The following MGME1 variants were observed in gnomAD, a reference collection of about 807,000 sequenced individuals.
MGME1 encodes the protein mitochondrial genome maintenance exonuclease 1.
Under a neutral mutation model 33.0 loss-of-function variants are expected in MGME1, and 22 were observed. The ratio of observed to expected loss-of-function variants is 0.67; its 90% CI spans 0.48 to 0.95. MGME1 has a LOEUF of 0.95. MGME1 is among the 40% of genes least tolerant of loss of function. The pLI is 0.00. For missense variants in MGME1, 383 were observed against 397.8 expected, an observed-to-expected ratio of 0.96 and a Z score of 0.32; for synonymous variants, 133 against 144.0, an observed-to-expected ratio of 0.92 and a Z score of 0.55.
intron 2 of MGME1, among the ~76,000 whole-genome samples, chr20:17,972,050 T>G (rs1221474486): frequency 6.6e-6 from 1 of 152,134 alleles, no homozygotes. Context: ...ATCACTCTTT[T>G]TAGAAAATAA....
In MGME1 at chr20:17,979,519, C is replaced by T. The variant is rs543566754; in HGVS notation, c.731+3616C>T. Reference sequence around the variant, plus strand: ...CTCCGCCTCGGGTTCACGCCATTCTCCTACCTCAGCCTCCCCAGCAGCTGG... The same window carrying T: ...CTCCGCCTCGGGTTCACGCCATTCTTCTACCTCAGCCTCCCCAGCAGCTGG... On this transcript the variant is annotated intron_variant, in intron 3 of 4. Transcript: ENST00000377710. Among the ~76,000 whole-genome samples, 70 of 151,800 alleles carry T rather than the reference C, an allele frequency of 4.6e-4. 1 individual carries two copies. Among genetic ancestry groups the T allele is most frequent in the Middle Eastern group, 3.4e-3 (1 of 292 alleles).
chr20:17,986,016 C>T (rs1344340806), intron 3 of MGME1, among the ~76,000 whole-genome samples: 1 of 147,712 alleles, frequency 6.8e-6, no homozygotes, highest in Non-Finnish European at 1.5e-5. Flanking sequence ...TTTTGTGGTT[C>T]CGTGTTAATT....
At chr20:17,975,578 A>G (rs1409992738) in intron 2 of MGME1, 106 bp from the exon 3 acceptor site, 2 of 836,226 alleles carry the variant, frequency 2.4e-6, no homozygotes, top group Non-Finnish European at 3.7e-6. Flanking sequence ...AGAAAAAAAA[A>G]TGTCATTTTT....
At position 17,975,665 on chromosome 20, in the gene MGME1, T is replaced by G; in HGVS notation, c.512-19T>G. 4 of 1,595,678 alleles carry G rather than the reference T, an allele frequency of 2.5e-6. No individual in the cohort carries two copies. Among genetic ancestry groups the G allele is most frequent in the Non-Finnish European group, 3.4e-6 (4 of 1,164,058 alleles). Reference sequence around the variant, plus strand: ...TGTTTGTGTTTCCCCCCTCCCCTTTTCCCTGATTTTCTTTTCAGACGTCTT... The same window carrying G: ...TGTTTGTGTTTCCCCCCTCCCCTTTGCCCTGATTTTCTTTTCAGACGTCTT... On this transcript the variant is annotated intron_variant, in intron 2 of 4. Coordinates refer to ENST00000377710, the MANE Select transcript of MGME1 (RefSeq NM_052865.4).
chr20:17,981,675 G>GTGTC (rs1555790895), intron 3 of MGME1, among the ~76,000 whole-genome samples: 3 of 150,568 alleles, frequency 2.0e-5, no homozygotes, highest in Non-Finnish European at 4.4e-5. Context: ...GTGTGTGTGT[G>GTGTC]TGTGTGTGTG....
intron 2 of MGME1, among the ~76,000 whole-genome samples, chr20:17,971,145 C>G (rs888822866): frequency 5.9e-5 from 9 of 152,232 alleles, no homozygotes; most frequent in Middle Eastern, 3.4e-3. Context: ...GTGTACTGAC[C>G]CTTGCCATAG....
intron 3 of MGME1, among the ~76,000 whole-genome samples, chr20:17,978,032 C>T (rs2035911941): frequency 6.6e-6 from 1 of 152,118 alleles, no homozygotes; most frequent in African/African-American, 2.4e-5. Context: ...AATACAAATT[C>T]GTAAACTTTC....
intron 4 of MGME1, 61 bp downstream of exon 4, chr20:17,988,359 G>C: frequency 6.4e-7 from 1 of 1,567,454 alleles, no homozygotes; most frequent in Non-Finnish European, 8.7e-7. Flanking sequence ...CTATAACTCC[G>C]GGCCGGGCGC....
chr20:17,979,657 C>T (rs1164774074), intron 3 of MGME1, among the ~76,000 whole-genome samples: 1 of 151,774 alleles, frequency 6.6e-6, no homozygotes, highest in African/African-American at 2.4e-5. Flanking sequence ...ACCTCGTGAT[C>T]TGCCCGCCTC....
Position 17,971,287 on chromosome 20 carries a change from T to C in MGME1, c.511+917T>C, listed in dbSNP as rs528990236. 3.9e-5 allele frequency among the ~76,000 whole-genome samples: 6 copies of C among 152,342 alleles called. No individual in the cohort carries two copies. In the East Asian group the frequency reaches 1.2e-3, roughly 29 times the overall value. On this transcript the variant is annotated intron_variant, in intron 2 of 4. Coordinates refer to ENST00000377710, the MANE Select transcript of MGME1 (RefSeq NM_052865.4). ...TAGGTGGTATTGGATATGTACCAAATGGTCAAGGCCTTTGCTCCTTATAAT... is the reference window on the plus strand; with the variant it reads ...TAGGTGGTATTGGATATGTACCAAACGGTCAAGGCCTTTGCTCCTTATAAT...
chr20:17,975,650 T>G, intron 2 of MGME1, 34 bp from the exon 3 acceptor site: 1 of 1,503,858 alleles, frequency 6.6e-7, no homozygotes, highest in Non-Finnish European at 9.2e-7. Context: ...TGTTTGTGTT[T>G]CCCCCCTCCC....
At chr20:17,972,145 T>C (rs1414291791) in intron 2 of MGME1, among the ~76,000 whole-genome samples, 1 of 152,160 alleles carries the variant, frequency 6.6e-6, no homozygotes, top group Non-Finnish European at 1.5e-5. Context: ...ACTAAATTGA[T>C]TAACGGGTCT....
At chr20:17,989,263 C>T (rs2036230980) in intron 4 of MGME1, among the ~76,000 whole-genome samples, 1 of 151,676 alleles carries the variant, frequency 6.6e-6, no homozygotes, top group South Asian at 2.1e-4. Context: ...GTGTGTGCCT[C>T]TAGTCCCACC....
chr20:17,975,724 A>G lies in MGME1; in HGVS notation c.552A>G (p.Glu184=). 1 of 1,614,160 alleles carries G rather than the reference A, an allele frequency of 6.2e-7. No individual in the cohort carries two copies. The highest frequency in any genetic ancestry group is 1.7e-5 in the Admixed American group (1 of 60,000). Residue 184 remains glutamate (E), a synonymous_variant, in exon 3 of 5, where the codon GAA becomes GAG. Transcript: ENST00000377710. ...GGAAACGGTTCCACGAAGCCTTGGA[A>G]AGCATACTTTCACCCCAGGAAACCT... is the stretch of plus-strand genomic sequence containing the variant. ...LQGKRFHEAL[E]SILSPQETLK...
intron 2 of MGME1, among the ~76,000 whole-genome samples, chr20:17,971,698 T>G (rs1231494063): frequency 6.8e-6 from 1 of 146,182 alleles, no homozygotes; most frequent in Non-Finnish European, 1.5e-5. Context: ...AGACTGGTTG[T>G]TTTTTTTTTC....
chr20:17,988,128 T>A (rs779379369), intron 3 of MGME1, 38 bp from the exon 4 acceptor site: 1 of 1,580,634 alleles, frequency 6.3e-7, no homozygotes, highest in Non-Finnish European at 8.6e-7. Flanking sequence ...TTCATTGTGA[T>A]CTATTACCTA....
At chr20:17,970,394 A>T in intron 2 of MGME1, 24 bp downstream of exon 2, 1 of 1,579,052 alleles carries the variant, frequency 6.3e-7, no homozygotes, top group Non-Finnish European at 8.6e-7. Flanking sequence ...TTCTGATTCT[A>T]TATGTTTGCT....
At chr20:17,988,116 T>C (rs2036199192) in intron 3 of MGME1, 50 bp from the exon 4 acceptor site, 2 of 1,557,472 alleles carry the variant, frequency 1.3e-6, no homozygotes, top group African/African-American at 2.7e-5. Context: ...CTAGTAGAGA[T>C]TTTCATTGTG....
upstream of MGME1, chr20:17,968,716 G>A (rs933755956): frequency 3.2e-5 from 14 of 435,718 alleles, no homozygotes; most frequent in African/African-American, 2.5e-4. Flanking sequence ...TCCGCTCCAC[G>A]AGGAGGCCGC....
Sources: allele counts gnomAD v4.1 joint callset (sites outside exome capture counted in the v4.1 genomes callset), GRCh38; gene constraint gnomAD v4.1.1; transcripts MANE v1.5; gene names NCBI Gene and HGNC (gene_info 2026-07-23, HGNC 2026-07-21).